The following ANKS1B variants were observed in gnomAD, a reference collection of about 807,000 sequenced individuals.
ANKS1B encodes the protein ankyrin repeat and sterile alpha motif domain containing 1B.
Under a neutral mutation model 148.3 loss-of-function variants are expected in ANKS1B, and 36 were observed. The ratio of observed to expected loss-of-function variants is 0.24; its 90% confidence interval spans 0.19 to 0.32. The LOEUF is 0.32. Ranked by LOEUF, ANKS1B falls within the 10% of genes least tolerant of loss-of-function variation. ANKS1B has a pLI of 1.00. For synonymous variants in ANKS1B, 542 were observed against 560.8 expected, an observed-to-expected ratio of 0.97 and a Z score of 0.47; for missense variants, 1,157 against 1,542.6, an observed-to-expected ratio of 0.75 and a Z score of 4.19.
intron 22 of ANKS1B, among the ~76,000 whole-genome samples, chr12:98,785,872 C>G (rs1159222924): frequency 6.6e-6 from 1 of 152,170 alleles, no homozygotes; most frequent in African/African-American, 2.4e-5. Context: ...GAACTCTGTA[C>G]TTCAGGCCCA....
chr12:98,993,286 G>A (rs577267277), intron 17 of ANKS1B, among the ~76,000 whole-genome samples: 5 of 152,208 alleles, frequency 3.3e-5, no homozygotes, highest in African/African-American at 9.6e-5. Flanking sequence ...ATACACCTCA[G>A]CCTCCTGAGT....
At chr12:99,626,775 C>T (rs1250673506) in intron 9 of ANKS1B, among the ~76,000 whole-genome samples, 1 of 152,106 alleles carries the variant, frequency 6.6e-6, no homozygotes, top group Non-Finnish European at 1.5e-5. Context: ...AGGAAAGAGG[C>T]ATATGAGAAA....
intron 23 of ANKS1B, 58 bp from the exon 24 acceptor site, chr12:98,781,261 C>T: frequency 2.0e-6 from 2 of 1,019,100 alleles, no homozygotes; most frequent in Non-Finnish European, 3.0e-6. Flanking sequence ...AACTGAAGCA[C>T]ACAATTTTTC....
At chr12:99,786,332 G>A (rs2065005522) in intron 4 of ANKS1B, among the ~76,000 whole-genome samples, 1 of 152,160 alleles carries the variant, frequency 6.6e-6, no homozygotes, top group Non-Finnish European at 1.5e-5. Flanking sequence ...GTTCCAGGGA[G>A]TCTGTCAACC....
In ANKS1B at chr12:99,501,949, C is replaced by G. The variant is rs560229749; in HGVS notation, c.1438+2527G>C. Reference sequence around the variant, plus strand: ...TAAGAAGTTTTTTTCTTTTCTATATCGTATCCAGCATTTTTATTTGTTTTC... The same window carrying G: ...TAAGAAGTTTTTTTCTTTTCTATATGGTATCCAGCATTTTTATTTGTTTTC... On this transcript the variant is annotated intron_variant, in intron 10 of 26. Coordinates refer to ENST00000683438, the MANE Select transcript of ANKS1B (RefSeq NM_001352186.2). Among the ~76,000 whole-genome samples the G allele has an allele frequency of 5.9e-5, 9 of 152,090 alleles. No individual in the cohort carries two copies. The South Asian group carries it at 1.9e-3, about 32-fold the overall frequency.
rs2095751785 is a variant in ANKS1B at position 99,984,418 on chromosome 12, G to T, written c.-181C>A. 1.8e-6 allele frequency: 1 copy of T among 546,310 alleles called. No homozygotes were observed. The highest frequency in any genetic ancestry group is 1.9e-5 in the African/African-American group (1 of 53,150). 33.8% of individuals were successfully genotyped at this position (546,310 alleles called of 1,614,324 possible). A position where few individuals can be genotyped will look rare whatever the true frequency, so the allele number is the denominator to read the frequency against. On this transcript the variant is annotated 5_prime_UTR_variant, in exon 1 of 27. Transcript: ENST00000683438. ...ACGACTCTCTCCTCCTCTTCGGGGC[G>T]CAGCTTTTACAATGGGGATCAGACC...
At chr12:99,342,537 T>C (rs1289488256) in intron 12 of ANKS1B, among the ~76,000 whole-genome samples, 1 of 152,060 alleles carries the variant, frequency 6.6e-6, no homozygotes, top group Admixed American at 6.6e-5. Flanking sequence ...AGATGGTAGC[T>C]GTGATGCCTT....
intron 8 of ANKS1B, among the ~76,000 whole-genome samples, chr12:99,714,227 C>T (rs1254685928): frequency 6.8e-6 from 1 of 147,468 alleles, no homozygotes; most frequent in Non-Finnish European, 1.5e-5. Flanking sequence ...CATGGCATTG[C>T]TTTTTATGAC....
intron 8 of ANKS1B, among the ~76,000 whole-genome samples, chr12:99,672,375 A>G (rs2098542126): frequency 6.6e-6 from 1 of 152,152 alleles, no homozygotes; most frequent in East Asian, 1.9e-4. Flanking sequence ...GGATTTCCAT[A>G]TCTGAAAATC....
At chr12:98,743,099 T>G (rs982602600), downstream of ANKS1B, among the ~76,000 whole-genome samples, 1 of 152,206 alleles carries the variant, frequency 6.6e-6, no homozygotes, top group African/African-American at 2.4e-5. Context: ...TTTTCATTTC[T>G]TTTCAGAAGT....
At chr12:99,380,780 CCTTCCTTCCTTCCTTCCTTCCTTT>C (rs1161478551) in intron 12 of ANKS1B, among the ~76,000 whole-genome samples, 1 of 110,860 alleles carries the variant, frequency 9.0e-6, no homozygotes, top group Admixed American at 8.0e-5. Flanking sequence ...TTCCTTCCTT[CCTTCCTTCCTTCCTTCCTTCCTTT>C]CTCATGCTCC....
At chr12:99,097,569 A>G (rs1485053678) in intron 15 of ANKS1B, 8 of 152,222 alleles carry the variant, frequency 5.3e-5, no homozygotes, top group Non-Finnish European at 1.5e-5. Context: ...AAGGTTGATT[A>G]TAACAACCAA....
At chr12:99,533,403 G>A (rs1051933671) in intron 9 of ANKS1B, among the ~76,000 whole-genome samples, 1 of 152,178 alleles carries the variant, frequency 6.6e-6, no homozygotes, top group African/African-American at 2.4e-5. Flanking sequence ...TGAGACTTTA[G>A]TGAATTCATC....
chr12:99,739,716 G>A (rs1169509399), intron 8 of ANKS1B, among the ~76,000 whole-genome samples: 2 of 152,016 alleles, frequency 1.3e-5, no homozygotes, highest in East Asian at 1.9e-4. Flanking sequence ...CACCTCAAGC[G>A]TTCTGCTGCC....
At chr12:99,801,771 G>C (rs888420200) in intron 4 of ANKS1B, among the ~76,000 whole-genome samples, 1 of 152,178 alleles carries the variant, frequency 6.6e-6, no homozygotes, top group Non-Finnish European at 1.5e-5. Context: ...ATATTTGTCA[G>C]AGTTCCCACG....
intron 12 of ANKS1B, among the ~76,000 whole-genome samples, chr12:99,314,849 T>C (rs1466374609): frequency 6.6e-6 from 1 of 152,136 alleles, no homozygotes; most frequent in Non-Finnish European, 1.5e-5. Flanking sequence ...ATTCAGGACA[T>C]AGGCATGGGC....
intron 22 of ANKS1B, among the ~76,000 whole-genome samples, chr12:98,790,175 C>T (rs1484216226): frequency 6.6e-6 from 1 of 152,122 alleles, no homozygotes; most frequent in Non-Finnish European, 1.5e-5. Flanking sequence ...ATAAGTGCAA[C>T]TTCTGTGTTT....
chr12:99,679,281 T>C (rs759859188), intron 8 of ANKS1B, among the ~76,000 whole-genome samples: 1 of 152,180 alleles, frequency 6.6e-6, no homozygotes, highest in Non-Finnish European at 1.5e-5. Flanking sequence ...TATTTAAAGA[T>C]AATCTGATGA....
chr12:99,030,951 T>C (rs1205778852), intron 17 of ANKS1B, among the ~76,000 whole-genome samples: 1 of 152,196 alleles, frequency 6.6e-6, no homozygotes, highest in East Asian at 1.9e-4. Context: ...AGCTCACCCA[T>C]CTGTCTCTGC....
Sources: allele counts gnomAD v4.1 joint callset (sites outside exome capture counted in the v4.1 genomes callset), GRCh38; gene constraint gnomAD v4.1.1; transcripts MANE v1.5; gene names NCBI Gene and HGNC (gene_info 2026-07-23, HGNC 2026-07-21).